The following IL4I1 variants were observed in gnomAD, a reference collection of about 807,000 sequenced individuals.
IL4I1 encodes interleukin 4 induced 1.
IL4I1 carries 24 observed loss-of-function variants against 29.7 expected under a neutral mutation model. The ratio of observed to expected loss-of-function variants is 0.81; its 90% CI spans 0.59 to 1.14. IL4I1 has a LOEUF of 1.14. Among genes scored for constraint, IL4I1 ranks in the 50% most tolerant of loss-of-function variants. IL4I1 has a pLI of 0.00. For synonymous variants in IL4I1, 371 were observed against 352.5 expected, an observed-to-expected ratio of 1.05 and a Z score of -0.59; for missense variants, 686 against 785.6, an observed-to-expected ratio of 0.87 and a Z score of 1.52.
upstream of IL4I1, among the ~76,000 whole-genome samples, chr19:49,898,037 A>T (rs1292804442): frequency 6.6e-6 from 1 of 152,146 alleles, no homozygotes; most frequent in Non-Finnish European, 1.5e-5. Flanking sequence ...AAAAATAGTG[A>T]CGAGGGCCAG....
upstream of IL4I1, among the ~76,000 whole-genome samples, chr19:49,899,022 C>G (rs1039995420): frequency 5.9e-5 from 9 of 152,252 alleles, no homozygotes; most frequent in Non-Finnish European, 1.2e-4. Context: ...GAGTTTCATT[C>G]ACAGCGACAT....
Position 49,890,609 on chromosome 19 carries a change from G to T in IL4I1, c.774-9C>A. 6.7e-7 allele frequency: 1 copy of T among 1,501,416 alleles called. No homozygotes were observed. The highest frequency in any genetic ancestry group is 2.4e-5 in the East Asian group (1 of 41,364). 93.0% of individuals were successfully genotyped at this position (1,501,416 alleles called of 1,614,324 possible). On this transcript the variant is annotated splice_polypyrimidine_tract_variant and intron_variant, in intron 7 of 7. Transcript: ENST00000391826. ...CCACGATGCGGCTGTACCTGCAGGC[G>T]GGGCGGGGCGGGGTGGGGGCGTGAC...
intron 2 of IL4I1, among the ~76,000 whole-genome samples, chr19:49,912,223 G>A (rs1420882027): frequency 6.8e-6 from 1 of 147,206 alleles, no homozygotes; most frequent in Non-Finnish European, 1.5e-5. Flanking sequence ...AGGCTGGAGT[G>A]GAATGGCATG....
Position 49,890,312 on chromosome 19 carries a change from C to G in IL4I1, c.1062G>C (p.Lys354Asn). The G allele has an allele frequency of 6.2e-7, 1 of 1,607,076 alleles. No individual in the cohort carries two copies. The highest frequency in any genetic ancestry group is 8.5e-7 in the Non-Finnish European group (1 of 1,177,676). The stretch of plus-strand genomic sequence containing the variant: ...AGGGCCTGCGGAAGCTTAGGAACAC[C>G]TTGGTGGCCGGCACGTAGTGCAGCC... ...LRRLHYVPAT[K>N]VFLSFRRPFW... is the part of the protein sequence containing the mutation. The change falls in exon 8 of 8, where the codon AAG (lysine) becomes AAC (asparagine). Residue 354 changes from lysine to asparagine, a missense_variant. By Grantham distance (94) the Lys-to-Asn change is moderately conservative. Coordinates refer to ENST00000391826, the MANE Select transcript of IL4I1 (RefSeq NM_152899.2).
At chr19:49,913,744 T>C (rs1284399046) in intron 2 of IL4I1, among the ~76,000 whole-genome samples, 1 of 150,824 alleles carries the variant, frequency 6.6e-6, no homozygotes, top group African/African-American at 2.4e-5. Context: ...TGCTGAGCTC[T>C]GTGAGTCTTA....
intron 2 of IL4I1, among the ~76,000 whole-genome samples, chr19:49,914,054 G>C (rs2075554767): frequency 6.6e-6 from 1 of 152,114 alleles, no homozygotes; most frequent in Admixed American, 6.5e-5. Context: ...GTCTGTCCAG[G>C]TTAACAGTGA....
upstream of IL4I1, among the ~76,000 whole-genome samples, chr19:49,898,107 T>G (rs1003054430): frequency 1.4e-3 from 220 of 151,764 alleles, 1 homozygote; most frequent in African/African-American, 5.2e-3. Flanking sequence ...GATCACCTGA[T>G]GTCAGGAGTT....
chr19:49,911,774 G>C (rs578218894), intron 2 of IL4I1, among the ~76,000 whole-genome samples: 1 of 152,190 alleles, frequency 6.6e-6, no homozygotes, highest in Non-Finnish European at 1.5e-5. Context: ...CAGTCTCTCC[G>C]GGGCTGGGAT....
intron 2 of IL4I1, chr19:49,908,149 G>GT: frequency 6.5e-7 from 1 of 1,546,162 alleles, no homozygotes; most frequent in Non-Finnish European, 8.7e-7. Context: ...AAACAAACAA[G>GT]TATCTTGCCA....
At chr19:49,924,027 A>C (rs2075825388) in intron 2 of IL4I1, among the ~76,000 whole-genome samples, 1 of 152,204 alleles carries the variant, frequency 6.6e-6, no homozygotes, top group East Asian at 1.9e-4. Flanking sequence ...GAGTTGCGGC[A>C]ATAGCAGGGC....
At chr19:49,893,351 T>G (rs1242464802) in intron 5 of IL4I1, among the ~76,000 whole-genome samples, 1 of 147,548 alleles carries the variant, frequency 6.8e-6, no homozygotes, top group Non-Finnish European at 1.5e-5. Flanking sequence ...GGCACAAGCG[T>G]CAGGCGGCAG....
upstream of IL4I1, among the ~76,000 whole-genome samples, chr19:49,900,411 C>T (rs1331370566): frequency 6.6e-6 from 1 of 151,990 alleles, no homozygotes; most frequent in East Asian, 1.9e-4. Context: ...TCAGCCTCCC[C>T]AGTAGCTGGG....
In IL4I1 at chr19:49,924,402, C is replaced by G. The variant is rs544643726; in HGVS notation, c.-228+3292G>C. On this transcript the variant is annotated intron_variant, in intron 2 of 9. Coordinates refer to the IL4I1 transcript ENST00000341114. ...GGGTTCTCCCTTATCCAAGGCTCTG[C>G]TAACCGGGAGCGGTTGCCAGGTGTG... is the stretch of plus-strand genomic sequence containing the variant. 3.3e-5 allele frequency among the ~76,000 whole-genome samples: 5 copies of G among 152,306 alleles called. No individual in the cohort carries two copies. The East Asian group carries it at 5.8e-4, about 18-fold the overall frequency.
intron 2 of IL4I1, chr19:49,917,943 T>C (rs1600534606): frequency 6.6e-6 from 1 of 152,028 alleles, no homozygotes; most frequent in African/African-American, 2.4e-5. Context: ...GAGGCGGAGG[T>C]TGCAGTGAGC....
Position 49,895,814 on chromosome 19 carries a change from C to T in IL4I1, c.252+1G>A, listed in dbSNP as rs141021319. The T allele has an allele frequency of 6.2e-7, 1 of 1,613,806 alleles. No homozygotes were observed. The highest frequency in any genetic ancestry group is 1.3e-5 in the African/African-American group (1 of 74,912). On this transcript the variant is annotated splice_donor_variant, in intron 3 of 7. Transcript: ENST00000391826. LOFTEE classifies it high-confidence loss of function. The stretch of plus-strand genomic sequence containing the variant: ...GGTAGACTGCAAGCAGTGCTTCCCA[C>T]CTTGTGTCCAGCATCGCTGAGCACC...
chr19:49,895,419 G>A (rs565310001), intron 3 of IL4I1, among the ~76,000 whole-genome samples: 5 of 152,278 alleles, frequency 3.3e-5, no homozygotes, highest in South Asian at 2.1e-4. Context: ...CGGGGAGTTC[G>A]GAGATGACCC....
At position 49,916,605 on chromosome 19, in the gene IL4I1, C is replaced by CA. The variant is rs1048283684; in HGVS notation, c.-228+11088dup. Among the ~76,000 whole-genome samples, 679 of 150,544 alleles carry CA rather than the reference C, an allele frequency of 4.5e-3. 5 individuals are homozygous for CA. Among genetic ancestry groups the CA allele is most frequent in the African/African-American group, 0.015 (622 of 41,088 alleles). On this transcript the variant is annotated intron_variant, in intron 2 of 9. Coordinates refer to the IL4I1 transcript ENST00000341114. ...TGAAACCCCGTCTGCACTAAAAATA[C>CA]AAAAAAAAATTAGCCAGGCGTGGTG...
intron 2 of IL4I1, among the ~76,000 whole-genome samples, chr19:49,916,165 T>C (rs1055393153): frequency 2.6e-5 from 4 of 152,120 alleles, no homozygotes; most frequent in Non-Finnish European, 5.9e-5. Context: ...AACCAGAGCT[T>C]TCCAGGGCCA....
At chr19:49,922,787 GC>G (rs1448509536) in intron 2 of IL4I1, among the ~76,000 whole-genome samples, 1 of 151,956 alleles carries the variant, frequency 6.6e-6, no homozygotes, top group African/African-American at 2.4e-5. Context: ...CAGTGTTGCT[GC>G]GGCCCCGGTG....
Sources: allele counts gnomAD v4.1 joint callset (sites outside exome capture counted in the v4.1 genomes callset), GRCh38; gene constraint gnomAD v4.1.1; transcripts MANE v1.5; gene names NCBI Gene and HGNC (gene_info 2026-07-23, HGNC 2026-07-21).